FOXJ3: variants seen among roughly 807,000 people sequenced by gnomAD.
FOXJ3 encodes the protein forkhead box protein J3.
A neutral mutation model predicts 76.1 loss-of-function variants in FOXJ3; 22 were observed. The observed-to-expected ratio is 0.29, with a 90% confidence interval of 0.21 to 0.41. The LOEUF (loss-of-function observed/expected upper bound fraction) is 0.41. FOXJ3 is among the 10% of genes least tolerant of loss of function. FOXJ3 has a pLI of 1.00. For missense variants in FOXJ3, 613 were observed against 762.1 expected, an observed-to-expected ratio of 0.80 and a Z score of 2.30; for synonymous variants, 269 against 261.2, an observed-to-expected ratio of 1.03 and a Z score of -0.29.
At chr1:42,321,145 T>C (rs1231346178) in intron 1 of FOXJ3, among the ~76,000 whole-genome samples, 2 of 152,172 alleles carry the variant, frequency 1.3e-5, no homozygotes, top group Non-Finnish European at 2.9e-5. Flanking sequence ...ATCATTTATA[T>C]CCCATTCCTG....
At chr1:42,251,120 A>T (rs1264067735) in intron 4 of FOXJ3, among the ~76,000 whole-genome samples, 1 of 152,166 alleles carries the variant, frequency 6.6e-6, no homozygotes, top group Admixed American at 6.5e-5. Flanking sequence ...AAAACACTAC[A>T]TCAAAGCATA....
chr1:42,181,865 TCACACACACACA>T (rs143175153), intron 12 of FOXJ3, 40 bp downstream of exon 12: 25 of 964,476 alleles, frequency 2.6e-5, no homozygotes, highest in African/African-American at 1.2e-4. Context: ...CCTGGAGTGC[TCACACACACACA>T]CACACACACA....
chr1:42,316,854 G>A (rs1655143072), intron 1 of FOXJ3, among the ~76,000 whole-genome samples: 1 of 152,078 alleles, frequency 6.6e-6, no homozygotes. Context: ...TGATACAATC[G>A]ACTTTGGGGA....
intron 11 of FOXJ3, among the ~76,000 whole-genome samples, chr1:42,183,312 G>GT (rs1646364870): frequency 2.1e-4 from 1 of 4,656 alleles, no homozygotes; most frequent in Non-Finnish European, 6.2e-4. Flanking sequence ...GCGGGGTGGG[G>GT]GAGGGGAGGG....
At chr1:42,239,313 A>T (rs577009873) in intron 4 of FOXJ3, among the ~76,000 whole-genome samples, 17 of 150,204 alleles carry the variant, frequency 1.1e-4, no homozygotes, top group African/African-American at 4.3e-4. Context: ...GGTTGAATGT[A>T]AACATCCTTG....
intron 1 of FOXJ3, among the ~76,000 whole-genome samples, chr1:42,326,975 A>G (rs1273019906): frequency 6.6e-6 from 1 of 152,200 alleles, no homozygotes; most frequent in African/African-American, 2.4e-5. Flanking sequence ...CCTAGCTTCT[A>G]TCTCATCTTC....
At chr1:42,300,343 G>A (rs1249106907) in intron 2 of FOXJ3, among the ~76,000 whole-genome samples, 1 of 152,092 alleles carries the variant, frequency 6.6e-6, no homozygotes, top group Non-Finnish European at 1.5e-5. Context: ...CTGTCCTTTC[G>A]TTAACATGCT....
chr1:42,288,229 G>A (rs758839808), intron 2 of FOXJ3, among the ~76,000 whole-genome samples: 15 of 152,060 alleles, frequency 9.9e-5, no homozygotes, highest in East Asian at 1.9e-4. Context: ...CCAGTCTTTC[G>A]CATAAGAAGA....
chr1:42,330,048 T>A (rs1656066525), intron 1 of FOXJ3, among the ~76,000 whole-genome samples: 1 of 152,180 alleles, frequency 6.6e-6, no homozygotes. Context: ...CTACCGTATT[T>A]ATAAAATTTA....
intron 5 of FOXJ3, among the ~76,000 whole-genome samples, chr1:42,211,112 C>G (rs1646958256): frequency 6.6e-6 from 1 of 152,124 alleles, no homozygotes; most frequent in Non-Finnish European, 1.5e-5. Context: ...GTCAGGCGGC[C>G]CTGGTGCTCG....
At chr1:42,308,549 G>C (rs1654605324) in intron 2 of FOXJ3, among the ~76,000 whole-genome samples, 1 of 151,992 alleles carries the variant, frequency 6.6e-6, no homozygotes, top group Admixed American at 6.6e-5. Flanking sequence ...AGAAATGAAA[G>C]ACATATATAA....
chr1:42,313,062 C>T (rs572867843), intron 1 of FOXJ3, among the ~76,000 whole-genome samples: 25 of 152,238 alleles, frequency 1.6e-4, no homozygotes, highest in African/African-American at 5.5e-4. Context: ...CGGCTGGGCG[C>T]AGTGGCTCAT....
Position 42,182,032 on chromosome 1 carries a change from G to C in FOXJ3, c.1646-8C>G. On this transcript the variant is annotated splice_region_variant and splice_polypyrimidine_tract_variant and intron_variant, in intron 11 of 12. Coordinates refer to ENST00000361346, the MANE Select transcript of FOXJ3 (RefSeq NM_014947.5). ...AATCTATGTACAAATTTCCTAATCA[G>C]ATTAAAAGCAGAAAGAGGGAAAACA... is the stretch of plus-strand genomic sequence containing the variant. The C allele has an allele frequency of 6.5e-7, 1 of 1,532,530 alleles. No individual in the cohort carries two copies. Among genetic ancestry groups the C allele is most frequent in the African/African-American group, 1.4e-5 (1 of 73,130 alleles). 94.9% of individuals were successfully genotyped at this position (1,532,530 alleles called of 1,614,324 possible). A position where few individuals can be genotyped will look rare whatever the true frequency, so the allele number is the denominator to read the frequency against.
chr1:42,177,603 C>T lies in FOXJ3; in HGVS notation c.*2107G>A, dbSNP rs1016075202. On this transcript the variant is annotated 3_prime_UTR_variant, in exon 13 of 13. Coordinates refer to ENST00000361346, the MANE Select transcript of FOXJ3 (RefSeq NM_014947.5). ...TGCCTTTCCAGAATCCTCTGATTTT[C>T]GTTGATCCAAGGGGCTGGAACTGAG... 4 of 152,202 alleles carry T rather than the reference C, an allele frequency of 2.6e-5. No individual in the cohort carries two copies. Among genetic ancestry groups the T allele is most frequent in the Admixed American group, 2.6e-4 (4 of 15,256 alleles). 9.4% of individuals were successfully genotyped at this position (152,202 alleles called of 1,614,324 possible).
At chr1:42,214,505 T>C (rs1375910403) in intron 5 of FOXJ3, among the ~76,000 whole-genome samples, 31 of 152,132 alleles carry the variant, frequency 2.0e-4, no homozygotes, top group Non-Finnish European at 2.9e-5. Context: ...CCCATTTGAG[T>C]TCCACTTCCT....
intron 5 of FOXJ3, among the ~76,000 whole-genome samples, chr1:42,214,989 C>T (rs1355455161): frequency 1.3e-5 from 2 of 152,200 alleles, no homozygotes; most frequent in East Asian, 1.9e-4. Context: ...CAGTGTAACA[C>T]AGTTAAGCCA....
At chr1:42,207,967 T>C (rs916564543) in intron 5 of FOXJ3, among the ~76,000 whole-genome samples, 1 of 152,216 alleles carries the variant, frequency 6.6e-6, no homozygotes, top group Non-Finnish European at 1.5e-5. Context: ...AATCTCATAT[T>C]CCCTTAATTC....
intron 4 of FOXJ3, among the ~76,000 whole-genome samples, chr1:42,231,275 G>A (rs540492204): frequency 1.1e-4 from 16 of 152,082 alleles, no homozygotes; most frequent in African/African-American, 3.6e-4. Context: ...GCAGTGAGCC[G>A]AGATCACGCC....
At position 42,192,425 on chromosome 1, in the gene FOXJ3, AAAGT is replaced by A. The variant is rs140022921; in HGVS notation, c.935-710_935-707del. Reference sequence around the variant, plus strand: ...GGGCCCAACAAAAAGTTATTAGCATAAAGTAAGGAGGCTTAAAGGAAGTTAGTTT... The same window carrying A: ...GGGCCCAACAAAAAGTTATTAGCATAAAGGAGGCTTAAAGGAAGTTAGTTT... On this transcript the variant is annotated intron_variant, in intron 8 of 12. Coordinates refer to ENST00000361346, the MANE Select transcript of FOXJ3 (RefSeq NM_014947.5). Among the ~76,000 whole-genome samples the A allele has an allele frequency of 7.4e-3, 1,122 of 152,320 alleles. 13 individuals carry two copies. Among genetic ancestry groups the A allele is most frequent in the African/African-American group, 0.025 (1,054 of 41,558 alleles).
Sources: gnomAD v4.1 joint callset for allele counts (sites outside exome capture counted in the v4.1 genomes callset) on GRCh38, gnomAD v4.1.1 for gene constraint, MANE v1.5 for transcripts, NCBI Gene and HGNC (gene_info 2026-07-23, HGNC 2026-07-21) for gene names.